Variants in GNAI1 observed in about 807,000 individuals in gnomAD.
GNAI1 encodes G protein subunit alpha i1.
A neutral mutation model predicts 38.9 loss-of-function variants in GNAI1; 11 were observed. The observed-to-expected ratio is 0.28, with a 90% CI of 0.18 to 0.47. The LOEUF is 0.47. GNAI1 is among the 20% of genes least tolerant of loss of function. GNAI1 has a pLI of 0.99. For missense variants in GNAI1, 317 were observed against 436.9 expected (o/e 0.73, Z 2.45); for synonymous variants, 166 against 145.1 (o/e 1.14, Z -1.04).
At chr7:80,144,637 T>G (rs1787586642) in intron 1 of GNAI1, among the ~76,000 whole-genome samples, 1 of 152,306 alleles carries the variant, frequency 6.6e-6, no homozygotes, top group Non-Finnish European at 1.5e-5. Flanking sequence ...TTTTTCTTGT[T>G]TGGGCACATA....
intron 1 of GNAI1, among the ~76,000 whole-genome samples, chr7:80,147,142 A>C (rs1787638321): frequency 6.6e-6 from 1 of 152,130 alleles, no homozygotes; most frequent in Non-Finnish European, 1.5e-5. Flanking sequence ...AAAGAGCCCC[A>C]ATAATAATGT....
At position 80,221,000 on chromosome 7, in the gene GNAI1, C is replaced by G. The variant is rs149689140; in HGVS notation, c.*3507C>G. 6.6e-5 allele frequency among the ~76,000 whole-genome samples: 10 copies of G among 152,246 alleles called. No individual in the cohort carries two copies. Among genetic ancestry groups the G allele is most frequent in the Middle Eastern group, 3.4e-3 (1 of 294 alleles). On this transcript the variant is annotated 3_prime_UTR_variant, in exon 8 of 8. Transcript: ENST00000649796. The stretch of plus-strand genomic sequence containing the variant: ...GTGAAGCTACTTAAGAGCACAGTTA[C>G]CATTTTTTACATCATTTGCCGTTTG...
At chr7:80,164,661 G>T (rs1217749140) in intron 1 of GNAI1, among the ~76,000 whole-genome samples, 1 of 152,098 alleles carries the variant, frequency 6.6e-6, no homozygotes, top group African/African-American at 2.4e-5. Flanking sequence ...TTTTTAATGA[G>T]TTGTCTTCAG....
chr7:80,184,895 C>G (rs771303906), intron 1 of GNAI1, among the ~76,000 whole-genome samples: 1 of 152,208 alleles, frequency 6.6e-6, no homozygotes, highest in Non-Finnish European at 1.5e-5. Context: ...TCTAAACTCT[C>G]ATTCACTCCA....
chr7:80,152,972 C>T (rs186368684), intron 1 of GNAI1, among the ~76,000 whole-genome samples: 63 of 151,998 alleles, frequency 4.1e-4, no homozygotes, highest in African/African-American at 1.4e-3. Context: ...AATTAAATAT[C>T]CTGAATCTTT....
At chr7:80,170,209 A>G (rs1032661071) in intron 1 of GNAI1, among the ~76,000 whole-genome samples, 2 of 152,198 alleles carry the variant, frequency 1.3e-5, no homozygotes, top group Admixed American at 6.5e-5. Context: ...TTTTGAATAA[A>G]TGCCAGAGTG....
rs200492705 is a variant in GNAI1 at position 80,189,156 on chromosome 7, C to T, written c.228C>T (p.Asn76=). 1.8e-4 allele frequency: 294 copies of T among 1,605,884 alleles called. No homozygotes were observed. Among genetic ancestry groups the T allele is most frequent in the Non-Finnish European group, 2.4e-4 (288 of 1,176,692 alleles). The change falls in exon 3 of 8, where the codon AAC becomes AAT. Residue 76 remains asparagine (N), a synonymous_variant. Coordinates refer to ENST00000649796, the MANE Select transcript of GNAI1 (RefSeq NM_002069.6). Reference sequence around the variant, plus strand: ...AATACAAAGCAGTGGTCTACAGTAACACCATCCAGTCAATTATTGCTATCA... The same window carrying T: ...AATACAAAGCAGTGGTCTACAGTAATACCATCCAGTCAATTATTGCTATCA... ...CKQYKAVVYS[N]TIQSIIAIIR...
chr7:80,135,508 T>C (rs1787394259), intron 1 of GNAI1: 2 of 400,932 alleles, frequency 5.0e-6, no homozygotes, highest in South Asian at 9.8e-5. Flanking sequence ...GGCGCGTCAC[T>C]TCACTCGGAT....
At chr7:80,151,503 A>T (rs1391808212) in intron 1 of GNAI1, among the ~76,000 whole-genome samples, 1 of 152,076 alleles carries the variant, frequency 6.6e-6, no homozygotes, top group African/African-American at 2.4e-5. Context: ...AACTGCTTTC[A>T]CATGTGGTAT....
rs1789122616 is a variant in GNAI1 at position 80,224,149 on chromosome 7, T to C, written c.*6656T>C. ...AACTCCTCCATTATTTAAAATATGT[T>C]AGAGATACATAAATATATAGAGAAA... On this transcript the variant is annotated 3_prime_UTR_variant, in exon 8 of 8. Transcript: ENST00000649796. Among the ~76,000 whole-genome samples the C allele has an allele frequency of 6.6e-6, 1 of 152,170 alleles. No homozygotes were observed. Among genetic ancestry groups the C allele is most frequent in the African/African-American group, 2.4e-5 (1 of 41,452 alleles).
intron 7 of GNAI1, among the ~76,000 whole-genome samples, chr7:80,213,747 A>G (rs1788912257): frequency 1.3e-5 from 2 of 152,044 alleles, no homozygotes; most frequent in Admixed American, 6.6e-5. Context: ...AGTATGCCTT[A>G]AAAAAACAGG....
intron 5 of GNAI1, among the ~76,000 whole-genome samples, chr7:80,210,256 A>G (rs955110122): frequency 3.3e-5 from 5 of 152,190 alleles, no homozygotes; most frequent in East Asian, 1.9e-4. Flanking sequence ...TTTTGCTACT[A>G]CTTTGTTCAC....
chr7:80,150,999 G>C (rs1193489996), intron 1 of GNAI1, among the ~76,000 whole-genome samples: 1 of 152,180 alleles, frequency 6.6e-6, no homozygotes, highest in Admixed American at 6.5e-5. Context: ...GAAGTCGTCA[G>C]TAGCTCTGTT....
rs141185152 is a variant in GNAI1 at position 80,159,406 on chromosome 7, A to G, written c.118+24128A>G. 2.0e-3 allele frequency among the ~76,000 whole-genome samples: 304 copies of G among 152,310 alleles called. 3 individuals carry two copies. Among genetic ancestry groups the G allele is most frequent in the African/African-American group, 6.9e-3 (288 of 41,576 alleles). On this transcript the variant is annotated intron_variant, in intron 1 of 7. Coordinates refer to ENST00000649796, the MANE Select transcript of GNAI1 (RefSeq NM_002069.6). ...AAAAGCCTCATTTCTAGGTGAGCAC[A>G]TCTAAAGTTCAGTCAGTACTCTTGT...
chr7:80,179,119 G>A (rs1264571157), intron 1 of GNAI1, among the ~76,000 whole-genome samples: 1 of 152,116 alleles, frequency 6.6e-6, no homozygotes, highest in Non-Finnish European at 1.5e-5. Context: ...GGGGAGGGAA[G>A]GGAAAATATA....
At chr7:80,217,238 A>AGTTTCATTTGTATGAAACTGAC in intron 7 of GNAI1, 65 bp from the exon 8 acceptor site, 1 of 323,782 alleles carries the variant, frequency 3.1e-6, no homozygotes, top group Non-Finnish European at 4.5e-6. Flanking sequence ...ATGAAACTGA[A>AGTTTCATTTGTATGAAACTGAC]TTCAGTATTT....
At chr7:80,203,659 G>A in intron 4 of GNAI1, 45 bp from the exon 5 acceptor site, 1 of 1,249,264 alleles carries the variant, frequency 8.0e-7, no homozygotes. Flanking sequence ...GATCTTTATT[G>A]GCTATATTTA....
At chr7:80,197,112 A>G (rs1033271973) in intron 3 of GNAI1, among the ~76,000 whole-genome samples, 6 of 148,972 alleles carry the variant, frequency 4.0e-5, no homozygotes, top group African/African-American at 1.5e-4. Context: ...CCCCCACCCC[A>G]TAACCATAAC....
chr7:80,183,303 C>G (rs1399494608), intron 1 of GNAI1, among the ~76,000 whole-genome samples: 2 of 152,118 alleles, frequency 1.3e-5, no homozygotes, highest in Non-Finnish European at 2.9e-5. Context: ...TTATCTACTT[C>G]TGTCTTAAAT....
Sources: gnomAD v4.1 joint callset for allele counts (sites outside exome capture counted in the v4.1 genomes callset) on GRCh38, gnomAD v4.1.1 for gene constraint, MANE v1.5 for transcripts, NCBI Gene and HGNC (gene_info 2026-07-23, HGNC 2026-07-21) for gene names.